RNF128: variants seen among roughly 807,000 people sequenced by gnomAD.
The protein encoded by RNF128 is ring finger protein 128.
A neutral mutation model predicts 26.2 loss-of-function variants in RNF128; 13 were observed. The ratio of observed to expected loss-of-function variants is 0.50; its 90% confidence interval spans 0.32 to 0.79. The LOEUF (loss-of-function observed/expected upper bound fraction) is 0.79, where lower values mean the gene tolerates loss of function less well. RNF128 is among the 30% of genes least tolerant of loss of function. RNF128 has a pLI of 0.03. For missense variants in RNF128, 315 were observed against 349.7 expected (o/e 0.90, Z 0.79); for synonymous variants, 149 against 142.5 (o/e 1.05, Z -0.32).
chrX:106,737,151 T>C (rs1484499096), intron 1 of RNF128, among the ~76,000 whole-genome samples: 1 of 111,927 alleles, frequency 8.9e-6, no homozygotes, highest in East Asian at 2.8e-4. Flanking sequence ...GCATTTGTAA[T>C]GTCCCTAAAA....
intron 3 of RNF128, 137 bp downstream of exon 3, chrX:106,785,273 G>A: frequency 2.1e-6 from 1 of 473,190 alleles, no homozygotes; most frequent in South Asian, 5.2e-5. Flanking sequence ...TGATTCTAGA[G>A]GTTGGCTGAA....
intron 1 of RNF128, among the ~76,000 whole-genome samples, chrX:106,708,060 C>T (rs969351100): frequency 8.9e-6 from 1 of 111,771 alleles, no homozygotes; most frequent in African/African-American, 3.3e-5. Flanking sequence ...GAGCATCTAT[C>T]CCCCCAGTCA....
rs150895665 is a variant in RNF128, at chrX:106,754,410, C to CTTTTTTTTT, written c.485-18480_485-18472dup. ...CCACACCTGGCAATGTTTTCTTTCT[C>CTTTTTTTTT]TTTTTTTTTTTTTTTTTTTTTTTTT... On this transcript the variant is annotated intron_variant, in intron 1 of 6. Coordinates refer to ENST00000255499, the MANE Select transcript of RNF128 (RefSeq NM_194463.2). 1.8e-3 allele frequency among the ~76,000 whole-genome samples: 65 copies of CTTTTTTTTT among 35,765 alleles called. 6 individuals are homozygous for CTTTTTTTTT. Among genetic ancestry groups the CTTTTTTTTT allele is most frequent in the African/African-American group, 7.9e-3 (60 of 7,556 alleles). The allele number at this position is 35,765 out of a possible 115,157, so 31.1% of individuals were successfully genotyped here. A position where few individuals can be genotyped will look rare whatever the true frequency, so the allele number is the denominator to read the frequency against.
Position 106,788,015 on chromosome X carries a change from C to G in RNF128, c.887+15C>G, listed in dbSNP as rs921580924. 4.0e-6 allele frequency: 4 copies of G among 1,008,489 alleles called. No homozygotes were observed. In the African/African-American group the frequency reaches 7.9e-5, roughly 20 times the overall value. 83.1% of individuals were successfully genotyped at this position (1,008,489 alleles called of 1,213,427 possible). A position where few individuals can be genotyped will look rare whatever the true frequency, so the allele number is the denominator to read the frequency against. On this transcript the variant is annotated intron_variant, in intron 4 of 6. Transcript: ENST00000255499. Reference sequence around the variant, plus strand: ...TTAACGTGCAAGTAAGTTTGATTTTCTTCTATATCTTCAATAAAATAGCTG... The same window carrying G: ...TTAACGTGCAAGTAAGTTTGATTTTGTTCTATATCTTCAATAAAATAGCTG...
intron 1 of RNF128, among the ~76,000 whole-genome samples, chrX:106,758,323 T>C (rs1304843047): frequency 9.0e-6 from 1 of 111,673 alleles, no homozygotes; most frequent in Non-Finnish European, 1.9e-5. Context: ...GGATTGGAAG[T>C]TTCAATTTTA....
At chrX:106,766,748 G>C (rs963680906) in intron 1 of RNF128, among the ~76,000 whole-genome samples, 3 of 111,819 alleles carry the variant, frequency 2.7e-5, no homozygotes, top group Admixed American at 9.5e-5. Flanking sequence ...TTTGGCTTTT[G>C]TTGCCATTGC....
At chrX:106,740,535 G>A (rs1929686487) in intron 1 of RNF128, among the ~76,000 whole-genome samples, 1 of 111,436 alleles carries the variant, frequency 9.0e-6, no homozygotes, top group African/African-American at 3.3e-5. Flanking sequence ...CTTTACAAGG[G>A]CTCACATTAT....
intron 1 of RNF128, among the ~76,000 whole-genome samples, chrX:106,765,535 T>C (rs1334135217): frequency 1.8e-5 from 2 of 111,019 alleles, no homozygotes; most frequent in Admixed American, 9.6e-5. Flanking sequence ...TGTCCCCAAA[T>C]AAATAGAAAA....
At chrX:106,759,163 G>T (rs1930076889) in intron 1 of RNF128, among the ~76,000 whole-genome samples, 1 of 111,546 alleles carries the variant, frequency 9.0e-6, no homozygotes, top group South Asian at 3.7e-4. Flanking sequence ...CATACAAAAG[G>T]CAAACAGGTA....
chrX:106,698,584 G>C lies in RNF128; in HGVS notation c.406+4176G>C, dbSNP rs180775290. The stretch of plus-strand genomic sequence containing the variant: ...GAGCTTAATTCAAGAAAACTAATCA[G>C]TTGCATTTCAAATGAGCCTCAAATC... On this transcript the variant is annotated intron_variant, in intron 1 of 6. Transcript: ENST00000324342. Among the ~76,000 whole-genome samples the C allele has an allele frequency of 6.6e-4, 73 of 111,436 alleles. No individual in the cohort carries two copies. The East Asian group carries it at 1.0e-2, about 15-fold the overall frequency.
chrX:106,782,897 G>A lies in RNF128; in HGVS notation c.733-2168G>A, dbSNP rs182869631. On this transcript the variant is annotated intron_variant, in intron 2 of 6. Coordinates refer to ENST00000255499, the MANE Select transcript of RNF128 (RefSeq NM_194463.2). ...CTCTGTCTGATTAGATGTCGGGCTC[G>A]GTAATCTAAAGATCCTAGGTGTACC... Among the ~76,000 whole-genome samples, 6 of 111,072 alleles carry A rather than the reference G, an allele frequency of 5.4e-5. No homozygotes were observed. In the East Asian group the frequency reaches 1.7e-3, roughly 32 times the overall value.
At chrX:106,749,649 T>C in intron 1 of RNF128, among the ~76,000 whole-genome samples, 1 of 112,232 alleles carries the variant, frequency 8.9e-6, no homozygotes, top group Non-Finnish European at 1.9e-5. Flanking sequence ...TTCACACCTG[T>C]AATCCCAGCT....
At chrX:106,753,785 A>G (rs2147682658) in intron 1 of RNF128, among the ~76,000 whole-genome samples, 1 of 112,092 alleles carries the variant, frequency 8.9e-6, no homozygotes, top group Non-Finnish European at 1.9e-5. Flanking sequence ...ATAGAAAACA[A>G]CAAAGAGGAG....
intron 1 of RNF128, among the ~76,000 whole-genome samples, chrX:106,769,550 T>TG (rs1388088667): frequency 1.3e-4 from 13 of 100,897 alleles, no homozygotes; most frequent in Non-Finnish European, 2.4e-4. Flanking sequence ...TGCTTTGTTT[T>TG]TTTTTTTTTT....
chrX:106,703,031 T>C (rs145592123), intron 1 of RNF128, among the ~76,000 whole-genome samples: 1 of 112,289 alleles, frequency 8.9e-6, no homozygotes, highest in East Asian at 2.8e-4. Context: ...TTTAATGACA[T>C]ATATTCTCAG....
In RNF128 at chrX:106,727,028, G is replaced by C; in HGVS notation, c.115G>C (p.Ala39Pro). ...TCCGCAGGCACCCGGTTCCCGGGGG[G>C]CTGAAGCAGTGTGGACCGCGTACCT... ...LSPQAPGSRG[A>P]EAVWTAYLNV... The change falls in exon 1 of 7, where the codon GCT (alanine) becomes CCT (proline). Residue 39 changes from alanine to proline, a missense_variant. Transcript: ENST00000255499. The C allele has an allele frequency of 8.3e-7, 1 of 1,206,179 alleles. No individual in the cohort carries two copies. Among genetic ancestry groups the C allele is most frequent in the East Asian group, 3.0e-5 (1 of 33,711 alleles).
intron 1 of RNF128, among the ~76,000 whole-genome samples, chrX:106,699,950 A>C (rs1050739912): frequency 9.3e-6 from 1 of 107,446 alleles, no homozygotes; most frequent in African/African-American, 3.4e-5. Context: ...TTCTATCAAA[A>C]CCTTCAGGTC....
At chrX:106,704,527 G>A (rs1929016253) in intron 1 of RNF128, among the ~76,000 whole-genome samples, 1 of 109,710 alleles carries the variant, frequency 9.1e-6, no homozygotes, top group East Asian at 2.9e-4. Flanking sequence ...TGTGGGGCAC[G>A]AACAGATGAG....
intron 1 of RNF128, among the ~76,000 whole-genome samples, chrX:106,702,244 C>A: frequency 9.0e-6 from 1 of 111,401 alleles, no homozygotes; most frequent in East Asian, 2.8e-4. Context: ...AAGTACATTT[C>A]ATCTCCCTTT....
Sources: gnomAD v4.1 joint callset for allele counts (sites outside exome capture counted in the v4.1 genomes callset) on GRCh38, gnomAD v4.1.1 for gene constraint, MANE v1.5 for transcripts, NCBI Gene and HGNC (gene_info 2026-07-23, HGNC 2026-07-21) for gene names.